Variants in TMTC1 observed in about 807,000 individuals in gnomAD.
TMTC1 encodes the protein transmembrane O-mannosyltransferase targeting cadherins 1, also known as protein O-mannosyl-transferase TMTC1.
In TMTC1, 73 loss-of-function variants were observed where a neutral mutation model predicts 104.8. The ratio of observed to expected loss-of-function variants is 0.70; its 90% CI spans 0.58 to 0.85. The LOEUF is 0.85. Ranked by LOEUF, TMTC1 falls within the 40% of genes least tolerant of loss-of-function variation. TMTC1 has a pLI of 0.00. For synonymous variants in TMTC1, 434 were observed against 428.7 expected (o/e 1.01, Z -0.15); for missense variants, 1,035 against 1,096.1 (o/e 0.94, Z 0.79).
At chr12:29,675,454 C>T (rs930562600) in intron 5 of TMTC1, among the ~76,000 whole-genome samples, 5 of 152,110 alleles carry the variant, frequency 3.3e-5, no homozygotes, top group Non-Finnish European at 7.3e-5. Flanking sequence ...CTGGGACAAT[C>T]CTGGAAAAAC....
At chr12:29,588,687 A>G (rs1946204610) in intron 7 of TMTC1, among the ~76,000 whole-genome samples, 1 of 152,232 alleles carries the variant, frequency 6.6e-6, no homozygotes, top group African/African-American at 2.4e-5. Flanking sequence ...CATTACATGG[A>G]TAAAAATTAA....
At chr12:29,556,767 G>T (rs1233653187) in intron 10 of TMTC1, 90 bp downstream of exon 10, 2 of 1,525,380 alleles carry the variant, frequency 1.3e-6, no homozygotes, top group African/African-American at 2.8e-5. Flanking sequence ...CCAGAGAGAG[G>T]CAAGTGCAGC....
At chr12:29,592,356 T>C (rs1946303253) in intron 7 of TMTC1, among the ~76,000 whole-genome samples, 1 of 152,210 alleles carries the variant, frequency 6.6e-6, no homozygotes, top group African/African-American at 2.4e-5. Context: ...AGTTTATTCA[T>C]ATTCCAAGAA....
At chr12:29,664,106 G>C (rs1375098519) in intron 5 of TMTC1, among the ~76,000 whole-genome samples, 1 of 149,928 alleles carries the variant, frequency 6.7e-6, no homozygotes, top group African/African-American at 2.4e-5. Context: ...AGAATGGCGT[G>C]AACCCGGGAG....
intron 5 of TMTC1, among the ~76,000 whole-genome samples, chr12:29,736,830 T>G (rs187944355): frequency 1.3e-5 from 2 of 152,164 alleles, no homozygotes; most frequent in African/African-American, 4.8e-5. Flanking sequence ...TGCACAGAGA[T>G]GCATTAACTT....
In TMTC1 at chr12:29,608,768, T is replaced by C; in HGVS notation, c.1129-4469A>G. 1.3e-5 allele frequency among the ~76,000 whole-genome samples: 2 copies of C among 152,114 alleles called. 1 individual carries two copies. Among genetic ancestry groups the C allele is most frequent in the East Asian group, 3.9e-4 (2 of 5,172 alleles). On this transcript the variant is annotated intron_variant, in intron 6 of 17. Coordinates refer to ENST00000539277, the MANE Select transcript of TMTC1 (RefSeq NM_001193451.2). ...TGCTGAGAGGGTCGCTCAGTCACCA[T>C]CGGCACAAATACACATCAGGCCAAG...
At chr12:29,596,834 G>C (rs1946417158) in intron 7 of TMTC1, among the ~76,000 whole-genome samples, 1 of 152,182 alleles carries the variant, frequency 6.6e-6, no homozygotes. Context: ...TACTATTCTT[G>C]TGACTTGGCC....
intron 6 of TMTC1, among the ~76,000 whole-genome samples, chr12:29,626,162 C>A (rs1937979384): frequency 6.6e-6 from 1 of 152,024 alleles, no homozygotes; most frequent in South Asian, 2.1e-4. Flanking sequence ...TTGAGTGGGG[C>A]AAGTTCTTAG....
At chr12:29,672,339 G>T in intron 5 of TMTC1, among the ~76,000 whole-genome samples, 1 of 152,222 alleles carries the variant, frequency 6.6e-6, no homozygotes, top group East Asian at 1.9e-4. Flanking sequence ...AAACCACAGG[G>T]TCAGTACCCA....
chr12:29,686,104 T>C (rs12229806), intron 5 of TMTC1, among the ~76,000 whole-genome samples: 21,079 of 152,036 alleles, frequency 0.14, 1,742 homozygotes, highest in East Asian at 0.34. Flanking sequence ...CAATCCAGTA[T>C]CCTAATACAC....
chr12:29,640,269 A>T (rs1313731593), intron 5 of TMTC1, among the ~76,000 whole-genome samples: 1 of 152,200 alleles, frequency 6.6e-6, no homozygotes, highest in African/African-American at 2.4e-5. Context: ...TAAAATTCCC[A>T]GAAGAGACGT....
chr12:29,613,149 A>G (rs1001448406), intron 6 of TMTC1, among the ~76,000 whole-genome samples: 2 of 152,356 alleles, frequency 1.3e-5, no homozygotes, highest in African/African-American at 4.8e-5. Context: ...CAGTATTTAC[A>G]CAGGCAGATG....
chr12:29,522,392 C>A (rs1260328052), intron 11 of TMTC1, among the ~76,000 whole-genome samples: 1 of 152,076 alleles, frequency 6.6e-6, no homozygotes, highest in Non-Finnish European at 1.5e-5. Flanking sequence ...CACACTCCAG[C>A]AAAAATAAGG....
intron 11 of TMTC1, among the ~76,000 whole-genome samples, chr12:29,526,186 T>C (rs1944338742): frequency 6.6e-6 from 1 of 152,200 alleles, no homozygotes; most frequent in African/African-American, 2.4e-5. Flanking sequence ...CAATAAATAC[T>C]TTAAAAATGT....
At chr12:29,633,013 C>A in intron 6 of TMTC1, 134 bp downstream of exon 6, 1 of 718,608 alleles carries the variant, frequency 1.4e-6, no homozygotes, top group Non-Finnish European at 2.2e-6. Context: ...ATGTTATTAC[C>A]CGCTACAAAA....
intron 7 of TMTC1, among the ~76,000 whole-genome samples, chr12:29,596,151 C>CA (rs1946398525): frequency 6.6e-6 from 1 of 152,132 alleles, no homozygotes; most frequent in African/African-American, 2.4e-5. Flanking sequence ...CGATTACAGG[C>CA]ATGCGCCACC....
chr12:29,519,908 A>T (rs1354447082), intron 12 of TMTC1: 3 of 152,234 alleles, frequency 2.0e-5, no homozygotes, highest in African/African-American at 7.2e-5. Context: ...AACCCCTTTA[A>T]GCATTTCATA....
intron 5 of TMTC1, among the ~76,000 whole-genome samples, chr12:29,642,518 T>G (rs1938899256): frequency 6.6e-6 from 1 of 152,150 alleles, no homozygotes; most frequent in African/African-American, 2.4e-5. Context: ...GAAAAAAAAG[T>G]CTTTTTCAGA....
At chr12:29,764,609 T>C (rs1283253362) in intron 2 of TMTC1, among the ~76,000 whole-genome samples, 1 of 152,218 alleles carries the variant, frequency 6.6e-6, no homozygotes, top group Non-Finnish European at 1.5e-5. Context: ...TTGAAATCCA[T>C]GACTAAATAA....
Sources: allele counts gnomAD v4.1 joint callset (sites outside exome capture counted in the v4.1 genomes callset), GRCh38; gene constraint gnomAD v4.1.1; transcripts MANE v1.5; gene names NCBI Gene and HGNC (gene_info 2026-07-23, HGNC 2026-07-21).